Variants in SRFBP1 observed in about 807,000 individuals in gnomAD.
The protein encoded by SRFBP1 is serum response factor binding protein 1, also known as serum response factor-binding protein 1.
Under a neutral mutation model 45.5 loss-of-function variants are expected in SRFBP1, and 47 were observed. That is an observed-to-expected ratio of 1.03 (90% CI 0.82 to 1.32). The LOEUF is 1.32. Ranked by LOEUF, SRFBP1 falls within the 40% of genes most tolerant of loss-of-function variation. The pLI, the probability that SRFBP1 is intolerant of heterozygous loss-of-function variation, is 0.00. For synonymous variants in SRFBP1, 203 were observed against 166.3 expected (o/e 1.22, Z -1.70); for missense variants, 621 against 484.6 (o/e 1.28, Z -2.64).
At chr5:122,011,207 G>C (rs987256629) in intron 4 of SRFBP1, among the ~76,000 whole-genome samples, 1 of 151,834 alleles carries the variant, frequency 6.6e-6, no homozygotes, top group Non-Finnish European at 1.5e-5. Flanking sequence ...TCATTTTTGG[G>C]TTATTTACAT....
chr5:121,995,098 A>G (rs1248064451), intron 4 of SRFBP1, among the ~76,000 whole-genome samples: 3 of 151,790 alleles, frequency 2.0e-5, no homozygotes, highest in African/African-American at 4.8e-5. Flanking sequence ...AACATTAGAC[A>G]GATCAACGAG....
At chr5:121,963,603 G>A (rs1387184431) in intron 1 of SRFBP1, among the ~76,000 whole-genome samples, 1 of 152,084 alleles carries the variant, frequency 6.6e-6, no homozygotes, top group Non-Finnish European at 1.5e-5. Context: ...ACTCCTCTCG[G>A]TCTGGGTTAG....
chr5:121,980,418 G>T (rs762858142), intron 3 of SRFBP1, among the ~76,000 whole-genome samples: 1 of 152,136 alleles, frequency 6.6e-6, no homozygotes, highest in Non-Finnish European at 1.5e-5. Flanking sequence ...GATACTGTGA[G>T]ACTATGTGAA....
chr5:122,015,942 C>G (rs1418309405), intron 4 of SRFBP1, among the ~76,000 whole-genome samples: 2 of 152,154 alleles, frequency 1.3e-5, no homozygotes, highest in African/African-American at 4.8e-5. Context: ...TACTTATCTC[C>G]TGATATCCCC....
chr5:121,981,663 A>C (rs921911624), intron 3 of SRFBP1, among the ~76,000 whole-genome samples: 1 of 151,588 alleles, frequency 6.6e-6, no homozygotes. Flanking sequence ...TCCCACCTGA[A>C]TAAACATTTA....
chr5:122,050,984 G>A (rs1021235679), intron 2 of SRFBP1, among the ~76,000 whole-genome samples: 2 of 152,008 alleles, frequency 1.3e-5, no homozygotes, highest in Admixed American at 6.6e-5. Flanking sequence ...GAATTTCTTG[G>A]TTGCTGCCTT....
At chr5:122,033,773 CTT>C (rs1309456283) in intron 2 of SRFBP1, among the ~76,000 whole-genome samples, 1 of 146,688 alleles carries the variant, frequency 6.8e-6, no homozygotes, top group Non-Finnish European at 1.5e-5. Context: ...CTTCTGCTTT[CTT>C]GTTTCCATTT....
chr5:122,070,572 A>G, intron 2 of SRFBP1: 1 of 1,597,740 alleles, frequency 6.3e-7, no homozygotes, highest in Non-Finnish European at 8.6e-7. Flanking sequence ...AGGTATCATA[A>G]CAGCCAGGAC....
intron 6 of SRFBP1, among the ~76,000 whole-genome samples, chr5:122,021,143 C>T (rs1242974786): frequency 6.6e-6 from 1 of 152,146 alleles, no homozygotes; most frequent in East Asian, 1.9e-4. Context: ...ACAGAACTTT[C>T]TGAAAAGAAT....
At chr5:122,021,075 A>C (rs1222747042) in intron 6 of SRFBP1, among the ~76,000 whole-genome samples, 1 of 152,236 alleles carries the variant, frequency 6.6e-6, no homozygotes, top group Non-Finnish European at 1.5e-5. Context: ...CAAAGTTTTG[A>C]AACTTTGAAA....
At chr5:122,077,191 G>C, downstream of SRFBP1, 2 of 1,469,424 alleles carry the variant, frequency 1.4e-6, no homozygotes, top group Non-Finnish European at 1.8e-6. This position sits in a 1 kb window ranked among gnomAD's most constrained non-coding sequence, Gnocchi z 4.9. Flanking sequence ...GGAGGGGCCA[G>C]ACGCGCGGTT....
chr5:122,032,973 G>A (rs1272259248), downstream of SRFBP1, among the ~76,000 whole-genome samples: 1 of 152,002 alleles, frequency 6.6e-6, no homozygotes, highest in Non-Finnish European at 1.5e-5. Context: ...TTTGTTTTGA[G>A]ATGGAGTCTG....
At chr5:121,972,353 C>T (rs1195499082) in intron 1 of SRFBP1, among the ~76,000 whole-genome samples, 2 of 151,774 alleles carry the variant, frequency 1.3e-5, no homozygotes, top group South Asian at 2.1e-4. Flanking sequence ...TTTCTCCACA[C>T]GATTGAAAGA....
chr5:121,967,282 G>T (rs1752092208), intron 1 of SRFBP1, among the ~76,000 whole-genome samples: 2 of 152,170 alleles, frequency 1.3e-5, no homozygotes, highest in Admixed American at 1.3e-4. Flanking sequence ...CTTGTGTCGT[G>T]ATTAGGTGCA....
At chr5:121,964,690 A>G (rs1230949593) in intron 1 of SRFBP1, among the ~76,000 whole-genome samples, 1 of 152,172 alleles carries the variant, frequency 6.6e-6, no homozygotes, top group South Asian at 2.1e-4. Flanking sequence ...ATGATTTATA[A>G]TCCTTAGGTA....
At chr5:122,074,299 A>G in intron 2 of SRFBP1, 1 of 714,772 alleles carries the variant, frequency 1.4e-6, no homozygotes, top group East Asian at 2.7e-5. Flanking sequence ...TTTATCTTCT[A>G]AAAGAGAGAT....
intron 4 of SRFBP1, among the ~76,000 whole-genome samples, chr5:122,003,981 C>T (rs1466416747): frequency 6.6e-6 from 1 of 152,142 alleles, no homozygotes; most frequent in Non-Finnish European, 1.5e-5. Context: ...GTCACCCACA[C>T]TGGAGTGCAG....
downstream of SRFBP1, chr5:122,077,189 C>A: frequency 6.8e-7 from 1 of 1,468,462 alleles, no homozygotes; most frequent in Non-Finnish European, 9.0e-7. This position sits in a 1 kb window ranked among gnomAD's most constrained non-coding sequence, Gnocchi z 4.9. Context: ...CAGGAGGGGC[C>A]AGACGCGCGG....
intron 4 of SRFBP1, among the ~76,000 whole-genome samples, chr5:121,995,173 A>T (rs961401020): frequency 6.6e-6 from 1 of 151,652 alleles, no homozygotes; most frequent in African/African-American, 2.4e-5. Flanking sequence ...CCTAATAGAC[A>T]TCTACAGAAC....
Sources: gnomAD v4.1 joint callset for allele counts (sites outside exome capture counted in the v4.1 genomes callset) on GRCh38, gnomAD v4.1.1 for gene constraint, Gnocchi (gnomAD v3.1) non-coding constraint, MANE v1.5 for transcripts, NCBI Gene and HGNC (gene_info 2026-07-23, HGNC 2026-07-21) for gene names.